The following NR3C2 variants were observed in gnomAD, a reference collection of about 807,000 sequenced individuals.
NR3C2 encodes nuclear receptor subfamily 3 group C member 2, also known as mineralocorticoid receptor.
A neutral mutation model predicts 86.4 loss-of-function variants in NR3C2; 15 were observed. The ratio of observed to expected loss-of-function variants is 0.17; its 90% CI spans 0.12 to 0.27. The LOEUF (loss-of-function observed/expected upper bound fraction) is 0.27, where lower values mean the gene tolerates loss of function less well. Ranked by LOEUF, NR3C2 falls within the 10% of genes least tolerant of loss-of-function variation. NR3C2 has a pLI of 1.00. For synonymous variants in NR3C2, 458 were observed against 450.5 expected, an observed-to-expected ratio of 1.02 and a Z score of -0.21; for missense variants, 960 against 1,195.6, an observed-to-expected ratio of 0.80 and a Z score of 2.91.
chr4:148,114,288 A>T, intron 7 of NR3C2, 27 bp from the exon 8 acceptor site: 1 of 1,612,794 alleles, frequency 6.2e-7, no homozygotes, highest in Non-Finnish European at 8.5e-7. Flanking sequence ...AGACATGTAA[A>T]TTTCCAGGAT....
At chr4:148,336,227 G>A (rs1426021428) in intron 2 of NR3C2, among the ~76,000 whole-genome samples, 1 of 152,110 alleles carries the variant, frequency 6.6e-6, no homozygotes, top group Non-Finnish European at 1.5e-5. Context: ...GATAATGGCA[G>A]CACTAAAGCT....
chr4:148,331,002 C>A (rs1744204473), intron 2 of NR3C2, among the ~76,000 whole-genome samples: 1 of 152,188 alleles, frequency 6.6e-6, no homozygotes, highest in Non-Finnish European at 1.5e-5. Flanking sequence ...GCTTCCTGTG[C>A]AGCCTCCAGA....
At position 148,312,555 on chromosome 4, in the gene NR3C2, T is replaced by C. The variant is rs185841706; in HGVS notation, c.1758-52438A>G. Among the ~76,000 whole-genome samples the C allele has an allele frequency of 1.2e-4, 19 of 152,270 alleles. No homozygotes were observed. In the East Asian group the frequency reaches 3.7e-3, roughly 29 times the overall value. On this transcript the variant is annotated intron_variant, in intron 2 of 8. Coordinates refer to ENST00000358102, the MANE Select transcript of NR3C2 (RefSeq NM_000901.5). Reference sequence around the variant, plus strand: ...TTCTAGTACAGTATCTGGCACATAGTAGGTACTAAAATACTAAAGGAATGA... The same window carrying C: ...TTCTAGTACAGTATCTGGCACATAGCAGGTACTAAAATACTAAAGGAATGA...
At chr4:148,216,251 A>C (rs6852299) in intron 3 of NR3C2, among the ~76,000 whole-genome samples, 9 of 152,056 alleles carry the variant, frequency 5.9e-5, no homozygotes, top group African/African-American at 2.2e-4. Flanking sequence ...TTTAGTTCCC[A>C]GTACAAAAAT....
At chr4:148,372,890 C>T (rs1274212977) in intron 2 of NR3C2, among the ~76,000 whole-genome samples, 1 of 152,158 alleles carries the variant, frequency 6.6e-6, no homozygotes, top group African/African-American at 2.4e-5. Flanking sequence ...AGGAGTGCAA[C>T]CCTCTCTTAC....
At position 148,261,189 on chromosome 4, in the gene NR3C2, T is replaced by C. The variant is rs189692601; in HGVS notation, c.1758-1072A>G. 5.0e-4 allele frequency among the ~76,000 whole-genome samples: 76 copies of C among 152,290 alleles called. No individual in the cohort carries two copies. The East Asian group carries it at 7.3e-3, about 15-fold the overall frequency. On this transcript the variant is annotated intron_variant, in intron 2 of 8. Coordinates refer to ENST00000358102, the MANE Select transcript of NR3C2 (RefSeq NM_000901.5). ...CTATGGTGCACTATGGTCAGCGCTA[T>C]GGTGCACTATGGTAAGCGCTATGGT... is the stretch of plus-strand genomic sequence containing the variant.
intron 2 of NR3C2, among the ~76,000 whole-genome samples, chr4:148,343,409 C>T (rs1009408303): frequency 2.9e-5 from 4 of 139,270 alleles, no homozygotes; most frequent in Non-Finnish European, 6.2e-5. Context: ...GCCCCCCCGA[C>T]CCCCCCTTTT....
chr4:148,256,286 G>C (rs974556328), intron 3 of NR3C2, among the ~76,000 whole-genome samples: 1 of 152,042 alleles, frequency 6.6e-6, no homozygotes, highest in Admixed American at 6.6e-5. Context: ...TAACATTACA[G>C]GAATAATGAA....
intron 2 of NR3C2, among the ~76,000 whole-genome samples, chr4:148,382,899 T>C (rs1747071879): frequency 6.6e-6 from 1 of 152,178 alleles, no homozygotes; most frequent in South Asian, 2.1e-4. Context: ...GTACTATCCC[T>C]TCTCTGCAAT....
chr4:148,423,416 T>C (rs549655370), intron 2 of NR3C2, among the ~76,000 whole-genome samples: 1 of 152,322 alleles, frequency 6.6e-6, no homozygotes, highest in Admixed American at 6.5e-5. Context: ...TCCCCTCAAG[T>C]ACTACCAATC....
At chr4:148,374,042 C>CTCAA (rs1191833811) in intron 2 of NR3C2, among the ~76,000 whole-genome samples, 1 of 152,168 alleles carries the variant, frequency 6.6e-6, no homozygotes, top group Admixed American at 6.5e-5. Flanking sequence ...AAATGGTATC[C>CTCAA]TCCATCTAGA....
rs1744288998 is a variant in NR3C2 at position 148,332,710 on chromosome 4, T to C, written c.1758-72593A>G. 2.6e-5 allele frequency among the ~76,000 whole-genome samples: 4 copies of C among 152,200 alleles called. No individual in the cohort carries two copies. In the South Asian group the frequency reaches 8.3e-4, roughly 31 times the overall value. ...AGCCTTGCCTCCCACACCAAGATACTGGTGTTACAAAGAGCACATGGTGCA... is the reference window on the plus strand; with the variant it reads ...AGCCTTGCCTCCCACACCAAGATACCGGTGTTACAAAGAGCACATGGTGCA... On this transcript the variant is annotated intron_variant, in intron 2 of 8. Transcript: ENST00000358102.
chr4:148,264,060 A>G (rs946019726), intron 2 of NR3C2, among the ~76,000 whole-genome samples: 3 of 152,188 alleles, frequency 2.0e-5, no homozygotes, highest in African/African-American at 4.8e-5. Context: ...ACAAAAGTCA[A>G]TTTTACAGAA....
intron 2 of NR3C2, among the ~76,000 whole-genome samples, chr4:148,320,644 A>AT (rs1435345805): frequency 2.0e-5 from 3 of 151,182 alleles, no homozygotes; most frequent in Non-Finnish European, 2.9e-5. Flanking sequence ...TTTCTTCTAG[A>AT]TTTTCTAGTT....
chr4:148,238,215 T>C (rs1269166881), intron 3 of NR3C2, among the ~76,000 whole-genome samples: 1 of 152,208 alleles, frequency 6.6e-6, no homozygotes, highest in East Asian at 1.9e-4. Context: ...AATTTATCTA[T>C]GGTATTTGTT....
At chr4:148,184,962 C>T (rs1339006587) in intron 4 of NR3C2, among the ~76,000 whole-genome samples, 7 of 152,176 alleles carry the variant, frequency 4.6e-5, no homozygotes, top group African/African-American at 1.4e-4. Context: ...CCCACCATTA[C>T]CAAAACATGG....
chr4:148,267,285 A>AT (rs1740444337), intron 2 of NR3C2, among the ~76,000 whole-genome samples: 1 of 125,942 alleles, frequency 7.9e-6, no homozygotes, highest in Admixed American at 8.9e-5. Context: ...CTTTTTTTTT[A>AT]ATTTTTTTTT....
upstream of NR3C2, chr4:148,442,946 C>T: frequency 1.0e-6 from 1 of 985,320 alleles, no homozygotes; most frequent in African/African-American, 1.7e-5. Flanking sequence ...TCACGCTCTC[C>T]ACCTGCAGCT....
intron 4 of NR3C2, among the ~76,000 whole-genome samples, chr4:148,188,635 G>T (rs1029431285): frequency 2.0e-5 from 3 of 152,034 alleles, no homozygotes; most frequent in Non-Finnish European, 4.4e-5. Flanking sequence ...GTTTCTAGGG[G>T]GGTCCTTAGG....
Sources: allele counts gnomAD v4.1 joint callset (sites outside exome capture counted in the v4.1 genomes callset), GRCh38; gene constraint gnomAD v4.1.1; transcripts MANE v1.5; gene names NCBI Gene and HGNC (gene_info 2026-07-23, HGNC 2026-07-21).